ZBTB20: variants seen among roughly 807,000 people sequenced by gnomAD.
The protein encoded by ZBTB20 is zinc finger and BTB domain-containing protein 20.
A neutral mutation model predicts 56.9 loss-of-function variants in ZBTB20; 9 were observed. That is an observed-to-expected ratio of 0.16 (90% CI 0.10 to 0.28). The LOEUF (loss-of-function observed/expected upper bound fraction) is 0.28, where lower values mean the gene tolerates loss of function less well. Among genes scored for constraint, ZBTB20 ranks in the 10% least tolerant of loss-of-function variants. The probability of loss-of-function intolerance (pLI) is 1.00; values close to 1 mark genes in which losing one functional copy is unlikely to be tolerated. For synonymous variants in ZBTB20, 417 were observed against 420.7 expected, an observed-to-expected ratio of 0.99 and a Z score of 0.11; for missense variants, 655 against 1,003.0, an observed-to-expected ratio of 0.65 and a Z score of 4.69.
intron 2 of ZBTB20, among the ~76,000 whole-genome samples, chr3:115,016,812 A>G (rs1183052459): frequency 6.6e-6 from 1 of 151,522 alleles, no homozygotes; most frequent in African/African-American, 2.4e-5. Context: ...TGGGTTCCAT[A>G]TGAATTTTAA....
intron 7 of ZBTB20, among the ~76,000 whole-genome samples, chr3:114,458,376 G>T (rs1057254596): frequency 3.3e-5 from 5 of 152,106 alleles, no homozygotes; most frequent in African/African-American, 7.2e-5. Context: ...AATGATCAGT[G>T]TATAGTAGCT....
chr3:114,959,699 AC>A (rs2077373922), intron 3 of ZBTB20, among the ~76,000 whole-genome samples: 1 of 142,594 alleles, frequency 7.0e-6, no homozygotes, highest in Admixed American at 7.3e-5. Flanking sequence ...CCACACACAC[AC>A]ACATCTATAT....
intron 1 of ZBTB20, among the ~76,000 whole-genome samples, chr3:115,121,577 A>C (rs926566880): frequency 6.6e-6 from 1 of 152,068 alleles, no homozygotes; most frequent in Non-Finnish European, 1.5e-5. Flanking sequence ...TTACTTCAAA[A>C]TAAATGGAAC....
intron 7 of ZBTB20, chr3:114,454,544 C>A (rs1559810720): frequency 6.6e-6 from 1 of 151,572 alleles, no homozygotes; most frequent in Non-Finnish European, 1.5e-5. Flanking sequence ...ATCTCGGTTG[C>A]GACACAGTGA....
intron 4 of ZBTB20, among the ~76,000 whole-genome samples, chr3:114,819,006 A>G (rs2073098981): frequency 6.6e-6 from 1 of 151,988 alleles, no homozygotes; most frequent in Non-Finnish European, 1.5e-5. Context: ...ACAGTGGTTC[A>G]GCTTAAGATT....
chr3:115,097,636 T>C (rs2083429096), intron 1 of ZBTB20, among the ~76,000 whole-genome samples: 2 of 152,122 alleles, frequency 1.3e-5, no homozygotes, highest in Non-Finnish European at 2.9e-5. Context: ...TAGGTAACTG[T>C]CTGCTCCAAC....
intron 6 of ZBTB20, among the ~76,000 whole-genome samples, chr3:114,586,804 A>G (rs1266593381): frequency 6.6e-6 from 1 of 152,118 alleles, no homozygotes; most frequent in Non-Finnish European, 1.5e-5. Flanking sequence ...AAGGTAGAAA[A>G]TAACAGCACA....
chr3:114,665,321 G>A (rs1181225125), intron 6 of ZBTB20, among the ~76,000 whole-genome samples: 1 of 151,958 alleles, frequency 6.6e-6, no homozygotes, highest in East Asian at 1.9e-4. Context: ...TGGCCTAGGA[G>A]CAATAAGTTA....
chr3:114,928,872 C>T (rs2076254202), intron 3 of ZBTB20, among the ~76,000 whole-genome samples: 1 of 152,114 alleles, frequency 6.6e-6, no homozygotes, highest in South Asian at 2.1e-4. Flanking sequence ...AAGAAATAAA[C>T]AAAAACCAGG....
chr3:115,031,004 T>C (rs1437980280), intron 2 of ZBTB20, among the ~76,000 whole-genome samples: 1 of 151,506 alleles, frequency 6.6e-6, no homozygotes, highest in Non-Finnish European at 1.5e-5. Flanking sequence ...AGTAATTTTC[T>C]GTTTTTATTT....
chr3:114,503,297 C>T (rs1363582498), intron 6 of ZBTB20, among the ~76,000 whole-genome samples: 1 of 152,090 alleles, frequency 6.6e-6, no homozygotes, highest in Non-Finnish European at 1.5e-5. Flanking sequence ...AATTGTTGTA[C>T]TTATATGTTA....
chr3:114,343,465 C>CT (rs2079949526), intron 11 of ZBTB20, among the ~76,000 whole-genome samples: 1 of 152,188 alleles, frequency 6.6e-6, no homozygotes, highest in African/African-American at 2.4e-5. Flanking sequence ...ATGCCCTCCT[C>CT]TTTCGTGAGT....
intron 4 of ZBTB20, among the ~76,000 whole-genome samples, chr3:114,885,882 T>G (rs2076583153): frequency 6.6e-6 from 1 of 152,208 alleles, no homozygotes; most frequent in Non-Finnish European, 1.5e-5. Flanking sequence ...CCTATAATAC[T>G]GGTTCTGATT....
intron 2 of ZBTB20, among the ~76,000 whole-genome samples, chr3:114,975,501 A>G (rs569936687): frequency 6.6e-6 from 1 of 152,284 alleles, no homozygotes; most frequent in East Asian, 1.9e-4. Context: ...TATTTTTGCA[A>G]ACAACAAACC....
intron 6 of ZBTB20, among the ~76,000 whole-genome samples, chr3:114,683,469 T>A (rs2062109040): frequency 6.6e-6 from 1 of 152,076 alleles, no homozygotes; most frequent in African/African-American, 2.4e-5. Context: ...ACCTGGCTCA[T>A]TTTAGGTTCC....
chr3:114,475,154 G>T (rs1223592142), intron 7 of ZBTB20, among the ~76,000 whole-genome samples: 1 of 152,018 alleles, frequency 6.6e-6, no homozygotes, highest in Non-Finnish European at 1.5e-5. Flanking sequence ...CTTCTTTGCA[G>T]AATCTTTACC....
rs2078649802 is a variant in ZBTB20 at position 114,315,574 on chromosome 3, T to TGTGTGTGTGC, written c.*23430_*23431insGCACACACAC. On this transcript the variant is annotated 3_prime_UTR_variant, in exon 12 of 12. Transcript: ENST00000675478. ...ATTTTAGGTCTAAACATACAGTGTG[T>TGTGTGTGTGC]GTGTGTGTGTGTGTGTGTGTGTGTG... 2.1e-5 allele frequency: 3 copies of TGTGTGTGTGC among 142,248 alleles called. No homozygotes were observed. Among genetic ancestry groups the TGTGTGTGTGC allele is most frequent in the Non-Finnish European group, 4.5e-5 (3 of 67,332 alleles). 8.8% of individuals were successfully genotyped at this position (142,248 alleles called of 1,614,324 possible).
chr3:114,892,453 T>A (rs2076849576), intron 4 of ZBTB20, among the ~76,000 whole-genome samples: 1 of 152,180 alleles, frequency 6.6e-6, no homozygotes, highest in Non-Finnish European at 1.5e-5. Context: ...ATTTGCATGG[T>A]CAGTACTGTC....
At chr3:114,368,521 A>G (rs1328066381) in intron 10 of ZBTB20, among the ~76,000 whole-genome samples, 1 of 152,158 alleles carries the variant, frequency 6.6e-6, no homozygotes, top group African/African-American at 2.4e-5. Context: ...GCCAGGTTTG[A>G]GGGTGCAGAT....
Sources: gnomAD v4.1 joint callset for allele counts (sites outside exome capture counted in the v4.1 genomes callset) on GRCh38, gnomAD v4.1.1 for gene constraint, MANE v1.5 for transcripts, NCBI Gene and HGNC (gene_info 2026-07-23, HGNC 2026-07-21) for gene names.